LRRC9: variants seen among roughly 807,000 people sequenced by gnomAD.
LRRC9 encodes the protein leucine rich repeat containing 9.
Under a neutral mutation model 63.2 loss-of-function variants are expected in LRRC9, and 122 were observed. That is an observed-to-expected ratio of 1.93 (90% CI 1.67 to 2.24). The LOEUF is 2.24. LRRC9 is among the 30% of genes most tolerant of loss of function. LRRC9 has a pLI of 0.00. For synonymous variants in LRRC9, 366 were observed against 213.1 expected (o/e 1.72, Z -6.25); for missense variants, 1,071 against 627.7 (o/e 1.71, Z -7.55).
At chr14:59,928,199 T>C in intron 2 of LRRC9, 69 bp from the exon 3 acceptor site, 5 of 565,416 alleles carry the variant, frequency 8.8e-6, no homozygotes, top group Non-Finnish European at 1.5e-5. Flanking sequence ...ATTTATAATT[T>C]CTAATGGTAA....
chr14:59,981,406 C>T (rs112316748), intron 15 of LRRC9, among the ~76,000 whole-genome samples: 1 of 152,058 alleles, frequency 6.6e-6, no homozygotes, highest in Non-Finnish European at 1.5e-5. Flanking sequence ...CAATTCTTAC[C>T]GTAATTACTG....
At chr14:59,959,980 G>A (rs1472691784) in exon 9 of LRRC9, 1 of 684,424 alleles carries the variant, frequency 1.5e-6, no homozygotes, top group Non-Finnish European at 2.6e-6. Flanking sequence ...TGCCTTGAAT[G>A]AAAGGGTAAC....
chr14:59,981,144 A>G (rs370979929), intron 15 of LRRC9, among the ~76,000 whole-genome samples: 2 of 152,142 alleles, frequency 1.3e-5, no homozygotes, highest in South Asian at 4.2e-4. Context: ...TATTTTCTCA[A>G]TCTTAGCTTC....
chr14:59,979,768 G>A (rs1291056098), intron 15 of LRRC9, among the ~76,000 whole-genome samples: 3 of 146,120 alleles, frequency 2.1e-5, no homozygotes, highest in Non-Finnish European at 4.5e-5. Flanking sequence ...ATTGAACAAT[G>A]AGAACACATG....
At chr14:60,066,159 T>C (rs1159828799), downstream of LRRC9, among the ~76,000 whole-genome samples, 1 of 151,772 alleles carries the variant, frequency 6.6e-6, no homozygotes, top group Non-Finnish European at 1.5e-5. Context: ...TTTCTGACTA[T>C]TGACACAAAA....
chr14:60,036,465 CATG>C (rs1566896429), intron 29 of LRRC9, among the ~76,000 whole-genome samples: 1 of 152,188 alleles, frequency 6.6e-6, no homozygotes, highest in Non-Finnish European at 1.5e-5. Flanking sequence ...AGCCAAAGGG[CATG>C]ATGATTCCTT....
intron 8 of LRRC9, among the ~76,000 whole-genome samples, chr14:59,957,458 G>C (rs927061327): frequency 6.6e-6 from 1 of 151,928 alleles, no homozygotes; most frequent in African/African-American, 2.4e-5. Context: ...AAGTTCTTAT[G>C]CTGTGTTTTT....
chr14:59,959,128 G>C lies in LRRC9; in HGVS notation c.883-690G>C, dbSNP rs1197410022. ...CTGAGATTAGAGTTAGACAAAAGAG[G>C]TTCTTGCTGTGGGCCCAGAATTTAA... is the stretch of plus-strand genomic sequence containing the variant. On this transcript the variant is annotated intron_variant, in intron 8 of 31. Transcript: ENST00000445360. Among the ~76,000 whole-genome samples the C allele has an allele frequency of 2.6e-5, 4 of 152,214 alleles. No homozygotes were observed. The East Asian group carries it at 7.7e-4, about 29-fold the overall frequency.
At chr14:59,973,369 A>G (rs1885748018) in intron 12 of LRRC9, 1 of 152,070 alleles carries the variant, frequency 6.6e-6, no homozygotes. Flanking sequence ...GTTATATCGA[A>G]TGGATATTTA....
At chr14:60,007,940 TAA>T (rs398043778) in intron 22 of LRRC9, among the ~76,000 whole-genome samples, 150 bp from the exon 23 acceptor site, 38,871 of 126,782 alleles carry the variant, frequency 0.31, 6,495 homozygotes, top group East Asian at 0.71. Flanking sequence ...ACCATGTCTT[TAA>T]AAAAAAAAAA....
intron 31 of LRRC9, among the ~76,000 whole-genome samples, chr14:60,061,591 G>C (rs1304061859): frequency 6.6e-6 from 1 of 151,982 alleles, no homozygotes; most frequent in Admixed American, 6.6e-5. Context: ...CAATGGTCTG[G>C]GACCACACCC....
rs180808868 is a variant in LRRC9 at position 60,053,269 on chromosome 14, A to C, written c.4131+64A>C. 2.1e-4 allele frequency: 137 copies of C among 649,264 alleles called. 2 individuals carry two copies. Among genetic ancestry groups the C allele is most frequent in the East Asian group, 1.2e-3 (45 of 36,520 alleles). The allele number at this position is 649,264 out of a possible 1,614,324, so 40.2% of individuals were successfully genotyped here. On this transcript the variant is annotated intron_variant, in intron 30 of 31. Coordinates refer to ENST00000445360, the Ensembl canonical transcript of LRRC9. The surrounding 1 kb of genome is among the most constrained non-coding windows in gnomAD (Gnocchi z 4.8). ...CATTAATGGTTAGTAAATGAACATTATATCTTTTGATTTAAATGTTTAAAC... is the reference window on the plus strand; with the variant it reads ...CATTAATGGTTAGTAAATGAACATTCTATCTTTTGATTTAAATGTTTAAAC...
chr14:60,022,123 C>G (rs1479747501), intron 26 of LRRC9, among the ~76,000 whole-genome samples: 1 of 151,762 alleles, frequency 6.6e-6, no homozygotes. Flanking sequence ...CTAATCCATA[C>G]ACATAGAATA....
At chr14:59,944,616 T>G in exon 8 of LRRC9, 1 of 629,238 alleles carries the variant, frequency 1.6e-6, no homozygotes, top group Non-Finnish European at 2.8e-6. Flanking sequence ...AATAATGTAT[T>G]ATAATATGCG....
At chr14:60,034,376 T>A (rs1052805774) in intron 29 of LRRC9, among the ~76,000 whole-genome samples, 7 of 152,160 alleles carry the variant, frequency 4.6e-5, no homozygotes, top group African/African-American at 1.7e-4. Flanking sequence ...CATTTATTTT[T>A]AAAAATTTGT....
At chr14:60,046,217 AGGTT>A (rs2140405415) in intron 29 of LRRC9, among the ~76,000 whole-genome samples, 1 of 152,302 alleles carries the variant, frequency 6.6e-6, no homozygotes, top group African/African-American at 2.4e-5. Flanking sequence ...CCCATTCTGT[AGGTT>A]GCCTGTGCAC....
chr14:59,944,298 T>C (rs576168227), intron 7 of LRRC9, among the ~76,000 whole-genome samples: 32 of 152,088 alleles, frequency 2.1e-4, no homozygotes, highest in South Asian at 1.7e-3. Flanking sequence ...CACTAGTTTA[T>C]ACATTAAATT....
Position 59,999,723 on chromosome 14 carries a change from T to C in LRRC9, c.2529+497T>C, listed in dbSNP as rs1889162007. On this transcript the variant is annotated intron_variant, in intron 19 of 31. Coordinates refer to ENST00000445360, the Ensembl canonical transcript of LRRC9. ...CAAAGTAGCTTCAACATCCTAAATA[T>C]ATCTACTCTAGTTTTCTAGTTGTTT... Among the ~76,000 whole-genome samples the C allele has an allele frequency of 4.6e-5, 7 of 152,246 alleles. 1 individual carries two copies. In the South Asian group the frequency reaches 1.4e-3, roughly 32 times the overall value.
At chr14:60,066,631 GAA>G (rs565776421), downstream of LRRC9, among the ~76,000 whole-genome samples, 750 of 152,228 alleles carry the variant, frequency 4.9e-3, 13 homozygotes, top group African/African-American at 0.017. Context: ...TATTTTTGAA[GAA>G]AAACCTACGC....
Sources: allele counts gnomAD v4.1 joint callset (sites outside exome capture counted in the v4.1 genomes callset), GRCh38; gene constraint gnomAD v4.1.1; non-coding constraint Gnocchi (gnomAD v3.1); transcripts MANE v1.5; gene names NCBI Gene and HGNC (gene_info 2026-07-23, HGNC 2026-07-21).